The following HYDIN variants were observed in gnomAD, a reference collection of about 807,000 sequenced individuals.
HYDIN encodes the protein HYDIN axonemal central pair apparatus protein, also known as axonemal central pair apparatus protein HYDIN.
In HYDIN, 132 loss-of-function variants were observed where a neutral mutation model predicts 403.9. That is an observed-to-expected ratio of 0.33 (90% CI 0.28 to 0.38). HYDIN has a LOEUF of 0.38. Ranked by LOEUF, HYDIN falls within the 10% of genes least tolerant of loss-of-function variation. HYDIN has a pLI of 1.00. For synonymous variants in HYDIN, 1,202 were observed against 1,891.7 expected (o/e 0.64, Z 9.46); for missense variants, 2,827 against 5,009.5 (o/e 0.56, Z 13.15).
intron 18 of HYDIN, among the ~76,000 whole-genome samples, 158 bp from the exon 19 acceptor site, chr16:71,032,075 T>C (rs2080933044): frequency 6.6e-6 from 1 of 151,606 alleles, no homozygotes. Flanking sequence ...TTTGTTGGTT[T>C]TCCTTTTTTT....
intron 18 of HYDIN, among the ~76,000 whole-genome samples, chr16:71,047,268 T>A (rs1346284875): frequency 6.6e-6 from 1 of 152,092 alleles, no homozygotes; most frequent in African/African-American, 2.4e-5. Flanking sequence ...ATTCAATCAG[T>A]AGAGCTTTCA....
rs2076613887 is a variant in HYDIN at position 70,908,946 on chromosome 16, C to T, written c.8005-85G>A. 7.8e-6 allele frequency: 12 copies of T among 1,542,842 alleles called. No individual in the cohort carries two copies. The Admixed American group carries it at 2.1e-4, about 28-fold the overall frequency. On this transcript the variant is annotated intron_variant, in intron 47 of 85. Transcript: ENST00000393567. ...ACAGAGATGGCCACATGTCTGTCATCTGGGGAGATGGTGCTGCAGGGTCAG... is the reference window on the plus strand; with the variant it reads ...ACAGAGATGGCCACATGTCTGTCATTTGGGGAGATGGTGCTGCAGGGTCAG...
chr16:70,944,845 C>T (rs954052884), intron 41 of HYDIN, among the ~76,000 whole-genome samples: 8 of 152,146 alleles, frequency 5.3e-5, no homozygotes, highest in Admixed American at 2.0e-4. Flanking sequence ...CTCCGCCTCT[C>T]GGGTTTAAGT....
intron 10 of HYDIN, among the ~76,000 whole-genome samples, chr16:71,110,799 C>T (rs1233307305): frequency 7.7e-6 from 1 of 130,588 alleles, no homozygotes; most frequent in Non-Finnish European, 1.6e-5. Context: ...CCGAAAACAG[C>T]ACGGTGTGGC....
At chr16:71,187,141 T>C (rs986833544) in intron 1 of HYDIN, among the ~76,000 whole-genome samples, 2 of 152,178 alleles carry the variant, frequency 1.3e-5, no homozygotes, top group Admixed American at 1.3e-4. Context: ...TAAGGGATTC[T>C]AGACTAAGCT....
At chr16:70,856,632 T>C (rs1020467288) in intron 72 of HYDIN, among the ~76,000 whole-genome samples, 1 of 152,082 alleles carries the variant, frequency 6.6e-6, no homozygotes, top group Non-Finnish European at 1.5e-5. Flanking sequence ...CACATGGTTG[T>C]TCTTCTTTAA....
At chr16:71,071,745 T>C (rs1224859870) in intron 13 of HYDIN, among the ~76,000 whole-genome samples, 1 of 152,184 alleles carries the variant, frequency 6.6e-6, no homozygotes, top group African/African-American at 2.4e-5. Flanking sequence ...TCTTTAAAAA[T>C]ATGGTATATT....
In HYDIN at chr16:70,943,963, G is replaced by A. The variant is rs780823096; in HGVS notation, c.6532-14C>T. 21 of 1,575,890 alleles carry A rather than the reference G, an allele frequency of 1.3e-5. 1 individual carries two copies. The South Asian group carries it at 2.0e-4, about 15-fold the overall frequency. ...GCTGGAGGAAATCTGTTGAGTGGGA[G>A]AAGGATCAGGAGTCAGAATCTGGCC... On this transcript the variant is annotated splice_polypyrimidine_tract_variant and intron_variant, in intron 41 of 85. Coordinates refer to ENST00000393567, the MANE Select transcript of HYDIN (RefSeq NM_001270974.2).
intron 1 of HYDIN, among the ~76,000 whole-genome samples, chr16:71,189,867 G>T (rs2087342306): frequency 6.6e-6 from 1 of 151,772 alleles, no homozygotes; most frequent in Non-Finnish European, 1.5e-5. Context: ...CATTTATCCA[G>T]TAGTCTTGCT....
intron 37 of HYDIN, 73 bp downstream of exon 37, chr16:70,964,655 T>C: frequency 8.3e-7 from 1 of 1,198,498 alleles, no homozygotes. Context: ...AACAGGTTGG[T>C]CCCAGAGCAG....
In HYDIN at chr16:70,872,058, A is replaced by G; in HGVS notation, c.11070T>C (p.Ala3690=). 1 of 1,596,008 alleles carries G rather than the reference A, an allele frequency of 6.3e-7. No individual in the cohort carries two copies. Among genetic ancestry groups the G allele is most frequent in the African/African-American group, 1.4e-5 (1 of 74,056 alleles). Residue 3690 remains alanine, a synonymous_variant, in exon 65 of 86, where the codon GCT becomes GCC. Transcript: ENST00000393567. ...TTACCTGTGGGGAGAAAGCAATTGTAGCTGAAACAGGCCATTCAAACCGTA... is the reference window on the plus strand; with the variant it reads ...TTACCTGTGGGGAGAAAGCAATTGTGGCTGAAACAGGCCATTCAAACCGTA... ...NLIRFEWPVS[A]TIAFSPQMGH... is the part of the protein sequence containing the mutation.
intron 13 of HYDIN, among the ~76,000 whole-genome samples, chr16:71,078,773 C>A (rs6499441): frequency 8.5e-4 from 125 of 147,766 alleles, no homozygotes; most frequent in East Asian, 4.1e-3. Flanking sequence ...CCCAAAGTGG[C>A]GGGATTATAG....
At chr16:70,936,720 C>G (rs2486981) in intron 44 of HYDIN, among the ~76,000 whole-genome samples, 37 of 144,856 alleles carry the variant, frequency 2.6e-4, no homozygotes, top group East Asian at 6.2e-4. Flanking sequence ...TTAGTAGAGA[C>G]GGGGTTTCGC....
At chr16:70,887,660 T>C (rs1233757225) in intron 58 of HYDIN, among the ~76,000 whole-genome samples, 1 of 151,226 alleles carries the variant, frequency 6.6e-6, no homozygotes, top group Admixed American at 6.6e-5. Context: ...CCCTATTGTC[T>C]GTCTTCAAGT....
intron 8 of HYDIN, among the ~76,000 whole-genome samples, chr16:71,133,742 C>T (rs1419626998): frequency 1.3e-5 from 2 of 151,998 alleles, no homozygotes; most frequent in Non-Finnish European, 2.9e-5. Flanking sequence ...ATGAAAGAAT[C>T]TTGCAGAATG....
intron 23 of HYDIN, among the ~76,000 whole-genome samples, chr16:70,996,541 A>C (rs1054747324): frequency 1.3e-5 from 2 of 151,882 alleles, no homozygotes; most frequent in Admixed American, 1.3e-4. Flanking sequence ...AACCCTCCGC[A>C]TCTGATTGCT....
intron 7 of HYDIN, among the ~76,000 whole-genome samples, chr16:71,137,775 A>G (rs2084989327): frequency 2.0e-5 from 3 of 152,144 alleles, no homozygotes; most frequent in African/African-American, 7.2e-5. Flanking sequence ...AGAGCTGCTC[A>G]ATATGAGAGA....
At chr16:71,145,956 G>C (rs559532491) in intron 7 of HYDIN, among the ~76,000 whole-genome samples, 1 of 152,144 alleles carries the variant, frequency 6.6e-6, no homozygotes, top group Admixed American at 6.5e-5. Context: ...ATTCTATCGA[G>C]CTATAAGCAC....
rs113916786 is a variant in HYDIN, at chr16:71,083,265, T to G, written c.1671-3313A>C. ...AGACCGTGGTAGCAAGGTTCATTCA[T>G]GCTACCATGTTGTAGCATCTATCAG... On this transcript the variant is annotated intron_variant, in intron 12 of 85. Transcript: ENST00000393567. 1.3e-3 allele frequency among the ~76,000 whole-genome samples: 198 copies of G among 152,118 alleles called. 2 individuals are homozygous for G. The highest frequency in any genetic ancestry group is 4.3e-3 in the African/African-American group (179 of 41,504).
Sources: gnomAD v4.1 joint callset for allele counts (sites outside exome capture counted in the v4.1 genomes callset) on GRCh38, gnomAD v4.1.1 for gene constraint, MANE v1.5 for transcripts, NCBI Gene and HGNC (gene_info 2026-07-23, HGNC 2026-07-21) for gene names.